The following CTXND2 variants were observed in gnomAD, a reference collection of about 807,000 sequenced individuals.
CTXND2 encodes cortexin domain containing 2.
At chr1:150,895,405 G>A (rs1002104775) in intron 1 of CTXND2, among the ~76,000 whole-genome samples, 4 of 151,592 alleles carry the variant, frequency 2.6e-5, no homozygotes, top group Non-Finnish European at 4.4e-5. Flanking sequence ...GTGCAGAGAC[G>A]CGATCTCAGC....
chr1:150,907,741 G>C (rs1441450982), intron 1 of CTXND2, among the ~76,000 whole-genome samples: 2 of 111,570 alleles, frequency 1.8e-5, no homozygotes, highest in African/African-American at 6.9e-5. Flanking sequence ...ACGGAGTCTC[G>C]CACTCTCACC....
intron 1 of CTXND2, among the ~76,000 whole-genome samples, chr1:150,891,174 G>A (rs116275309): frequency 0.023 from 3,562 of 151,724 alleles, 67 homozygotes; most frequent in Non-Finnish European, 0.034. Context: ...CCTCATGTAC[G>A]CTACACATTC....
intron 1 of CTXND2, among the ~76,000 whole-genome samples, chr1:150,900,071 C>T (rs1276570145): frequency 3.3e-5 from 5 of 152,140 alleles, no homozygotes; most frequent in Non-Finnish European, 7.4e-5. Context: ...AAGCTGGCCG[C>T]CTGAGCCAGC....
At chr1:150,892,177 T>TGAATAATGA (rs1668859571) in intron 1 of CTXND2, among the ~76,000 whole-genome samples, 1 of 152,220 alleles carries the variant, frequency 6.6e-6, no homozygotes, top group African/African-American at 2.4e-5. Flanking sequence ...AATGTAATGA[T>TGAATAATGA]GAATAATGAG....
chr1:150,899,845 A>G (rs1031440422), intron 1 of CTXND2, among the ~76,000 whole-genome samples: 6 of 152,170 alleles, frequency 3.9e-5, no homozygotes, highest in African/African-American at 7.2e-5. Context: ...AGCTATCTGG[A>G]CTTCCTGGGT....
chr1:150,909,741 A>G (rs1669216645), intron 1 of CTXND2, among the ~76,000 whole-genome samples: 1 of 152,186 alleles, frequency 6.6e-6, no homozygotes, highest in South Asian at 2.1e-4. Flanking sequence ...TGCTCACCAC[A>G]CAGAAAGATG....
chr1:150,891,726 T>C (rs995712205), intron 1 of CTXND2, among the ~76,000 whole-genome samples: 2 of 152,188 alleles, frequency 1.3e-5, no homozygotes, highest in African/African-American at 4.8e-5. Context: ...CATACTATAT[T>C]GTCCTCCCTT....
At chr1:150,891,813 C>T (rs954248860) in intron 1 of CTXND2, among the ~76,000 whole-genome samples, 1 of 152,172 alleles carries the variant, frequency 6.6e-6, no homozygotes, top group African/African-American at 2.4e-5. Context: ...TAAACTCATT[C>T]TTAGCCCTCA....
intron 1 of CTXND2, among the ~76,000 whole-genome samples, chr1:150,900,159 C>T (rs1164625141): frequency 1.3e-5 from 2 of 152,140 alleles, no homozygotes; most frequent in African/African-American, 2.4e-5. Flanking sequence ...CTTCCTGCTG[C>T]TCAGTCTTTG....
chr1:150,888,641 A>T (rs1668806484), intron 1 of CTXND2, among the ~76,000 whole-genome samples: 1 of 151,976 alleles, frequency 6.6e-6, no homozygotes, highest in Non-Finnish European at 1.5e-5. Context: ...TACATGGCAT[A>T]CTTAGAAACA....
intron 1 of CTXND2, among the ~76,000 whole-genome samples, chr1:150,903,005 C>T (rs907502464): frequency 6.6e-6 from 1 of 152,138 alleles, no homozygotes; most frequent in African/African-American, 2.4e-5. Flanking sequence ...CAAAAATTGT[C>T]TAGCTACTTG....
rs587680146 is a variant in CTXND2 at position 150,889,235 on chromosome 1, C to G, written c.-74+1922C>G. ...CCATCCTGGCTAACAGGATGAGACC[C>G]CGTCTCTACAAAAACTTAGCCGGGC... On this transcript the variant is annotated intron_variant, in intron 1 of 1. Transcript: ENST00000636087. Among the ~76,000 whole-genome samples the G allele has an allele frequency of 4.6e-5, 7 of 151,956 alleles. No homozygotes were observed. The East Asian group carries it at 1.4e-3, about 29-fold the overall frequency.
intron 1 of CTXND2, among the ~76,000 whole-genome samples, chr1:150,889,256 C>T (rs372021346): frequency 2.0e-5 from 3 of 151,702 alleles, no homozygotes; most frequent in African/African-American, 7.3e-5. Context: ...AAAACTTAGC[C>T]GGGCGTGGCA....
At chr1:150,895,669 G>T (rs1376832912) in intron 1 of CTXND2, among the ~76,000 whole-genome samples, 2 of 152,114 alleles carry the variant, frequency 1.3e-5, no homozygotes, top group Non-Finnish European at 2.9e-5. Flanking sequence ...TTCTTCACAT[G>T]AATCTGTCAG....
chr1:150,895,654 A>G (rs1447595512), intron 1 of CTXND2, among the ~76,000 whole-genome samples: 1 of 152,136 alleles, frequency 6.6e-6, no homozygotes, highest in Non-Finnish European at 1.5e-5. Flanking sequence ...GCCATGAAGA[A>G]GTCTTTCTTC....
chr1:150,911,244 G>A (rs1019546337), intron 1 of CTXND2, among the ~76,000 whole-genome samples: 11 of 151,888 alleles, frequency 7.2e-5, no homozygotes, highest in Non-Finnish European at 1.6e-4. Flanking sequence ...CACCGTGCCT[G>A]GCCCTGGACT....
At chr1:150,892,593 G>A (rs1276064602) in intron 1 of CTXND2, among the ~76,000 whole-genome samples, 2 of 146,820 alleles carry the variant, frequency 1.4e-5, no homozygotes, top group African/African-American at 5.1e-5. Context: ...GATTGCAGTG[G>A]TATGAAATGA....
At chr1:150,891,992 A>T (rs989218722) in intron 1 of CTXND2, among the ~76,000 whole-genome samples, 4 of 152,208 alleles carry the variant, frequency 2.6e-5, no homozygotes, top group Middle Eastern at 3.2e-3. Context: ...TACTTAGTAT[A>T]AAATTATACT....
At position 150,908,790 on chromosome 1, in the gene CTXND2, TA is replaced by T. The variant is rs36116004; in HGVS notation, c.-73-3439del. Among the ~76,000 whole-genome samples the T allele has an allele frequency of 2.8e-3, 404 of 144,870 alleles. 3 individuals are homozygous for T. Among genetic ancestry groups the T allele is most frequent in the African/African-American group, 8.2e-3 (322 of 39,368 alleles). On this transcript the variant is annotated intron_variant, in intron 1 of 1. Transcript: ENST00000636087. ...CACATATGCCACACACCTAGCTAAT[TA>T]AAAAAAAAAAAATTAAGAAACAAGG... is the stretch of plus-strand genomic sequence containing the variant.
Sources: gnomAD v4.1 joint callset for allele counts (sites outside exome capture counted in the v4.1 genomes callset) on GRCh38, gnomAD v4.1.1 for gene constraint, MANE v1.5 for transcripts, NCBI Gene and HGNC (gene_info 2026-07-23, HGNC 2026-07-21) for gene names.